Variants in SDK2 observed in about 807,000 individuals in gnomAD.
The protein encoded by SDK2 is protein sidekick-2.
SDK2 carries 105 observed loss-of-function variants against 253.9 expected under a neutral mutation model. The ratio of observed to expected loss-of-function variants is 0.41; its 90% CI spans 0.35 to 0.49. The LOEUF (loss-of-function observed/expected upper bound fraction) is 0.49. Among genes scored for constraint, SDK2 ranks in the 20% least tolerant of loss-of-function variants. The probability of loss-of-function intolerance (pLI) is 0.06; values close to 1 mark genes in which losing one functional copy is unlikely to be tolerated. For missense variants in SDK2, 2,608 were observed against 3,003.0 expected (o/e 0.87, Z 3.07); for synonymous variants, 1,249 against 1,234.9 (o/e 1.01, Z -0.24).
intron 1 of SDK2, among the ~76,000 whole-genome samples, chr17:73,522,643 G>T (rs924910005): frequency 6.6e-6 from 1 of 152,202 alleles, no homozygotes. Context: ...ATCCAGGGAG[G>T]TCAGCAGCTC....
chr17:73,600,915 C>A (rs1246881898), intron 1 of SDK2, among the ~76,000 whole-genome samples: 3 of 152,128 alleles, frequency 2.0e-5, no homozygotes, highest in Admixed American at 2.0e-4. Context: ...AGGCAGGATA[C>A]CAGAGTCTGG....
intron 18 of SDK2, among the ~76,000 whole-genome samples, chr17:73,402,501 C>CT (rs1415340132): frequency 1.3e-5 from 2 of 152,228 alleles, no homozygotes; most frequent in African/African-American, 4.8e-5. Context: ...TCAAAAACGA[C>CT]TAAGAATTTT....
intron 29 of SDK2, among the ~76,000 whole-genome samples, chr17:73,389,772 CAG>C (rs1172389005): frequency 3.3e-5 from 5 of 152,012 alleles, no homozygotes; most frequent in African/African-American, 1.2e-4. Flanking sequence ...TTAATTTAGA[CAG>C]AGTCTTGTTC....
intron 39 of SDK2, 21 bp from the exon 40 acceptor site, chr17:73,358,225 C>G: frequency 6.3e-7 from 1 of 1,581,586 alleles, no homozygotes; most frequent in Non-Finnish European, 8.5e-7. Flanking sequence ...CACACAGAGG[C>G]GAGGGATGTA....
chr17:73,369,689 C>T (rs571950237), intron 36 of SDK2, among the ~76,000 whole-genome samples: 18 of 152,204 alleles, frequency 1.2e-4, no homozygotes, highest in African/African-American at 3.6e-4. Flanking sequence ...GATGGAGTCT[C>T]GCACTGTCAC....
intron 40 of SDK2, among the ~76,000 whole-genome samples, chr17:73,355,175 T>TATATGTA (rs1555750470): frequency 6.4e-5 from 1 of 15,724 alleles, no homozygotes. Context: ...TATATATATA[T>TATATGTA]TTTTTTTTTT....
intron 4 of SDK2, among the ~76,000 whole-genome samples, chr17:73,453,118 C>G (rs1213378680): frequency 6.6e-6 from 1 of 152,190 alleles, no homozygotes; most frequent in East Asian, 1.9e-4. Context: ...AGTCTATTTT[C>G]CTACATCTTG....
intron 1 of SDK2, among the ~76,000 whole-genome samples, chr17:73,578,167 C>A (rs532072634): frequency 1.3e-5 from 2 of 151,878 alleles, no homozygotes; most frequent in East Asian, 3.9e-4. Flanking sequence ...TCAAGCAATT[C>A]CCCTGCCTCA....
At position 73,398,410 on chromosome 17, in the gene SDK2, C is replaced by T. The variant is rs772813641; in HGVS notation, c.3113G>A (p.Gly1038Glu). The part of the protein sequence containing the change: ...VEAQVGVVGE[G>E]EEWLLIHQLS... ...CTGGTGGATCAGCAACCACTCCTCT[C>T]CCTCCCCAACCACGCCTACCTGGAA... The change falls in exon 23 of 45, where the codon GGA becomes GAA. Residue 1038 changes from glycine (G) to glutamate (E), a missense_variant. Around this residue, in one of 2 missense-constraint regions of SDK2, gnomAD observed 1,505 missense variants for 1,859.1 expected, o/e 0.81. Coordinates refer to ENST00000392650, the MANE Select transcript of SDK2 (RefSeq NM_001144952.2). 2 of 1,613,884 alleles carry T rather than the reference C, an allele frequency of 1.2e-6. No individual in the cohort carries two copies. Among genetic ancestry groups the T allele is most frequent in the South Asian group, 2.2e-5 (2 of 91,076 alleles).
In SDK2 at chr17:73,361,939, G is replaced by T; in HGVS notation, c.5306-94C>A. ...GGGAAGCGGCCGTGGCCTGGGCCCCGGGACCCTGGGTAGGGGCCTCACTCC... is the reference window on the plus strand; with the variant it reads ...GGGAAGCGGCCGTGGCCTGGGCCCCTGGACCCTGGGTAGGGGCCTCACTCC... On this transcript the variant is annotated intron_variant, in intron 38 of 44. Coordinates refer to ENST00000392650, the MANE Select transcript of SDK2 (RefSeq NM_001144952.2). The surrounding 1 kb of genome is among the most constrained non-coding windows in gnomAD (Gnocchi z 4.1). 7.7e-7 allele frequency: 1 copy of T among 1,293,496 alleles called. No homozygotes were observed. The highest frequency in any genetic ancestry group is 1.0e-6 in the Non-Finnish European group (1 of 953,970). 80.1% of individuals were successfully genotyped at this position (1,293,496 alleles called of 1,614,324 possible). A position where few individuals can be genotyped will look rare whatever the true frequency, so the allele number is the denominator to read the frequency against.
At chr17:73,588,866 C>T (rs549970651) in intron 1 of SDK2, among the ~76,000 whole-genome samples, 3 of 152,376 alleles carry the variant, frequency 2.0e-5, no homozygotes, top group Admixed American at 1.3e-4. Context: ...CTCTACGTGG[C>T]GCAGGTGCCA....
At chr17:73,345,892 T>C (rs1317767326) in intron 44 of SDK2, among the ~76,000 whole-genome samples, 1 of 152,084 alleles carries the variant, frequency 6.6e-6, no homozygotes, top group Non-Finnish European at 1.5e-5. Flanking sequence ...TATAAATCGG[T>C]GCATAATAAA....
chr17:73,381,098 A>G (rs1337791107), intron 33 of SDK2, 148 bp from the exon 34 acceptor site: 4 of 633,060 alleles, frequency 6.3e-6, no homozygotes, highest in Middle Eastern at 4.2e-4. Flanking sequence ...CAAATTTCCA[A>G]TGCTGAGTTA....
intron 15 of SDK2, among the ~76,000 whole-genome samples, chr17:73,419,950 G>T (rs966767970): frequency 6.6e-6 from 1 of 151,936 alleles, no homozygotes; most frequent in Admixed American, 6.6e-5. Flanking sequence ...TTTCCTATTT[G>T]TCAAGGAAGC....
chr17:73,631,072 C>T (rs77062489), intron 1 of SDK2, among the ~76,000 whole-genome samples: 2,987 of 152,240 alleles, frequency 0.02, 114 homozygotes, highest in African/African-American at 0.068. Flanking sequence ...CAGCCAGAAG[C>T]GCCTCCTCTC....
intron 24 of SDK2, among the ~76,000 whole-genome samples, chr17:73,397,225 G>C (rs916947059): frequency 1.3e-5 from 2 of 152,182 alleles, no homozygotes; most frequent in African/African-American, 4.8e-5. Flanking sequence ...AAGAATTCTT[G>C]TTTGCTCCAC....
At chr17:73,622,759 C>T (rs2046149211) in intron 1 of SDK2, among the ~76,000 whole-genome samples, 1 of 152,232 alleles carries the variant, frequency 6.6e-6, no homozygotes, top group Non-Finnish European at 1.5e-5. Context: ...TCTATCATGG[C>T]CCAAGAGCAA....
chr17:73,366,923 C>T (rs1005340933), intron 37 of SDK2, among the ~76,000 whole-genome samples: 1 of 152,158 alleles, frequency 6.6e-6, no homozygotes, highest in Non-Finnish European at 1.5e-5. Flanking sequence ...TGCACAGCAG[C>T]CGGAGCACTT....
At chr17:73,438,217 G>A (rs1197254894) in intron 6 of SDK2, 63 bp from the exon 7 acceptor site, 6 of 1,453,752 alleles carry the variant, frequency 4.1e-6, no homozygotes, top group Non-Finnish European at 5.6e-6. Context: ...TGAGAGGCAG[G>A]GCAGGGGGTG....
Sources: allele counts gnomAD v4.1 joint callset (sites outside exome capture counted in the v4.1 genomes callset), GRCh38; gene constraint gnomAD v4.1.1; regional missense constraint gnomAD v4.1.1; non-coding constraint Gnocchi (gnomAD v3.1); transcripts MANE v1.5; gene names NCBI Gene and HGNC (gene_info 2026-07-23, HGNC 2026-07-21).